The following AP1AR variants were observed in gnomAD, a reference collection of about 807,000 sequenced individuals.
AP1AR encodes AP-1 complex-associated regulatory protein.
In AP1AR, 29 loss-of-function variants were observed where a neutral mutation model predicts 46.3. The observed-to-expected ratio is 0.63, with a 90% confidence interval of 0.47 to 0.85. AP1AR has a LOEUF of 0.85. AP1AR is among the 40% of genes least tolerant of loss of function. The pLI is 0.00. For missense variants in AP1AR, 357 were observed against 356.3 expected (o/e 1.00, Z -0.02); for synonymous variants, 122 against 122.9 (o/e 0.99, Z 0.05).
chr4:112,272,583 A>G lies in AP1AR; in HGVS notation c.*4174A>G, dbSNP rs994756054. 6.6e-6 allele frequency among the ~76,000 whole-genome samples: 1 copy of G among 152,198 alleles called. No individual in the cohort carries two copies. The highest frequency in any genetic ancestry group is 1.5e-5 in the Non-Finnish European group (1 of 68,036). On this transcript the variant is annotated 3_prime_UTR_variant, in exon 10 of 10. Coordinates refer to ENST00000274000, the MANE Select transcript of AP1AR (RefSeq NM_018569.6). Reference sequence around the variant, plus strand: ...GGAGGGAAGAGATGGGGAAAAAAATAGGAAATAATAAATCTCTAAGAGCCC... The same window carrying G: ...GGAGGGAAGAGATGGGGAAAAAAATGGGAAATAATAAATCTCTAAGAGCCC...
intron 8 of AP1AR, among the ~76,000 whole-genome samples, chr4:112,266,320 A>G (rs1726704481): frequency 6.6e-6 from 1 of 151,762 alleles, no homozygotes; most frequent in Admixed American, 6.6e-5. Flanking sequence ...TGTTAAAAAT[A>G]TTATCTAGAG....
rs372170152 is a variant in AP1AR, at chr4:112,268,260, G to T, written c.760G>T (p.Asp254Tyr). 1.2e-6 allele frequency: 2 copies of T among 1,613,142 alleles called. No individual in the cohort carries two copies. The highest frequency in any genetic ancestry group is 1.3e-5 in the African/African-American group (1 of 74,872). The change falls in exon 10 of 10, where the codon GAT becomes TAT. Residue 254 changes from aspartate to tyrosine, a missense_variant. Asp to Tyr is a radical substitution (Grantham distance 160, BLOSUM62 -3). Coordinates refer to ENST00000274000, the MANE Select transcript of AP1AR (RefSeq NM_018569.6). Reference protein sequence around the residue: ...TGSNPTSASDDSNGLEWENDF... With the variant: ...TGSNPTSASDYSNGLEWENDF... ...AAGTAATCCTACATCAGCCTCTGAT[G>T]ATTCCAATGGGCTGGAGTGGGAAAA... is the stretch of plus-strand genomic sequence containing the variant.
At chr4:112,242,330 A>G (rs991107461) in intron 1 of AP1AR, among the ~76,000 whole-genome samples, 1 of 152,138 alleles carries the variant, frequency 6.6e-6, no homozygotes, top group African/African-American at 2.4e-5. Flanking sequence ...CGTTCAGAGT[A>G]TTATTCTCCA....
chr4:112,267,500 G>A (rs1464063057), intron 9 of AP1AR, among the ~76,000 whole-genome samples: 2 of 151,936 alleles, frequency 1.3e-5, no homozygotes, highest in Non-Finnish European at 2.9e-5. Flanking sequence ...TTGTGGTAGA[G>A]TCAGAAGAGC....
At position 112,264,899 on chromosome 4, in the gene AP1AR, CT is replaced by C. The variant is rs528800376; in HGVS notation, c.382-100del. On this transcript the variant is annotated intron_variant, in intron 6 of 9. Coordinates refer to ENST00000274000, the MANE Select transcript of AP1AR (RefSeq NM_018569.6). ...AAGGAAAAATATATCAACAAAATAA[CT>C]TTTTTTTTTAGAAACTAGAAAAAAA... The C allele has an allele frequency of 7.7e-3, 5,448 of 707,532 alleles. 6 individuals carry two copies. The highest frequency in any genetic ancestry group is 0.018 in the South Asian group (696 of 38,270). The allele number at this position is 707,532 out of a possible 1,614,324, so 43.8% of individuals were successfully genotyped here. A position where few individuals can be genotyped will look rare whatever the true frequency, so the allele number is the denominator to read the frequency against.
rs78789075 is a variant in AP1AR at position 112,271,479 on chromosome 4, G to C, written c.*3070G>C. On this transcript the variant is annotated 3_prime_UTR_variant, in exon 10 of 10. Transcript: ENST00000274000. ...ATCCAGGGATGTCCCTAAGGACCAG[G>C]TATACAGGGAGCTGACTCCATCCTG... Among the ~76,000 whole-genome samples, 813 of 152,326 alleles carry C rather than the reference G, an allele frequency of 5.3e-3. 4 individuals are homozygous for C. Among genetic ancestry groups the C allele is most frequent in the East Asian group, 0.016 (84 of 5,194 alleles).
chr4:112,240,642 C>T (rs777436303), intron 1 of AP1AR, among the ~76,000 whole-genome samples: 9 of 152,098 alleles, frequency 5.9e-5, no homozygotes, highest in African/African-American at 9.7e-5. Flanking sequence ...TGGTACCTGC[C>T]GCTCCCTGAA....
intron 5 of AP1AR, 46 bp from the exon 6 acceptor site, chr4:112,262,942 A>G: frequency 7.6e-7 from 1 of 1,312,290 alleles, no homozygotes; most frequent in African/African-American, 1.4e-5. Flanking sequence ...GAGCAGTTAG[A>G]CAGGTTCTGA....
chr4:112,261,099 A>C (rs1258832227), intron 5 of AP1AR, among the ~76,000 whole-genome samples: 1 of 152,192 alleles, frequency 6.6e-6, no homozygotes, highest in African/African-American at 2.4e-5. Flanking sequence ...ATAATTTCTT[A>C]ATTCACAAAG....
rs113474076 is a variant in AP1AR at position 112,265,508 on chromosome 4, A to G, written c.441-226A>G. 4.6e-5 allele frequency among the ~76,000 whole-genome samples: 7 copies of G among 152,100 alleles called. 3 individuals are homozygous for G. The highest frequency in any genetic ancestry group is 1.7e-4 in the African/African-American group (7 of 41,570). On this transcript the variant is annotated intron_variant, in intron 7 of 9. Coordinates refer to ENST00000274000, the MANE Select transcript of AP1AR (RefSeq NM_018569.6). ...TTATTGTAAAGTTGGACTTATGGCT[A>G]AGCTTTGGAGATTGGACTTCAGGAT...
chr4:112,232,545 G>T (rs1317524479), intron 1 of AP1AR, among the ~76,000 whole-genome samples: 1 of 152,240 alleles, frequency 6.6e-6, no homozygotes, highest in Non-Finnish European at 1.5e-5. Context: ...TAACGCCAAA[G>T]CTAGTATCCC....
At chr4:112,253,944 A>T (rs9884974) in intron 2 of AP1AR, among the ~76,000 whole-genome samples, 87,886 of 152,078 alleles carry the variant, frequency 0.58, 26,418 homozygotes, top group African/African-American at 0.75. Flanking sequence ...TTAGATATTT[A>T]AAAATCACAA....
At chr4:112,259,862 G>A (rs1726364261) in intron 4 of AP1AR, among the ~76,000 whole-genome samples, 1 of 152,062 alleles carries the variant, frequency 6.6e-6, no homozygotes, top group Non-Finnish European at 1.5e-5. Flanking sequence ...AGAATAGGAA[G>A]GATATATGTA....
intron 9 of AP1AR, 59 bp downstream of exon 9, chr4:112,266,775 T>G: frequency 1.4e-6 from 2 of 1,476,266 alleles, no homozygotes; most frequent in Admixed American, 2.3e-5. Context: ...TTGATTTATG[T>G]AAATCTACCT....
chr4:112,243,144 T>C (rs1269492125), intron 1 of AP1AR, among the ~76,000 whole-genome samples: 1 of 152,236 alleles, frequency 6.6e-6, no homozygotes, highest in African/African-American at 2.4e-5. Flanking sequence ...ACATATTATG[T>C]GCCCGTAATC....
chr4:112,260,928 T>C (rs1402329563), intron 5 of AP1AR, 66 bp downstream of exon 5: 1 of 1,047,986 alleles, frequency 9.5e-7, no homozygotes, highest in Non-Finnish European at 1.4e-6. Flanking sequence ...TTAAATAATA[T>C]ATTGTGTAGA....
At chr4:112,254,898 ATTTTTAC>A in intron 3 of AP1AR, 125 bp downstream of exon 3, 1 of 478,624 alleles carries the variant, frequency 2.1e-6, no homozygotes, top group Non-Finnish European at 3.5e-6. Flanking sequence ...TCTGGTTTTT[ATTTTTAC>A]TTTTTAGTTC....
At chr4:112,246,939 C>T (rs1246055345) in intron 1 of AP1AR, among the ~76,000 whole-genome samples, 1 of 152,198 alleles carries the variant, frequency 6.6e-6, no homozygotes, top group African/African-American at 2.4e-5. Flanking sequence ...ATATGATTAA[C>T]TTCCTTCTCT....
chr4:112,253,211 C>CATGG lies in AP1AR; in HGVS notation c.88_89insTGGA (p.Lys30MetfsTer5). On this transcript the variant is annotated frameshift_variant, in exon 2 of 10. Transcript: ENST00000274000. LOFTEE classifies it high-confidence loss of function. Reference sequence around the variant, plus strand: ...GTTATTCTGTTTTCCTTCCCAGATCCAAGTATTTTAGAACATGCTCAAGAG... The same window carrying CATGG: ...GTTATTCTGTTTTCCTTCCCAGATCCATGGAAGTATTTTAGAACATGCTCAAGAG... 6.2e-7 allele frequency: 1 copy of CATGG among 1,607,140 alleles called. No individual in the cohort carries two copies. Among genetic ancestry groups the CATGG allele is most frequent in the Non-Finnish European group, 8.5e-7 (1 of 1,176,686 alleles).
Sources: allele counts gnomAD v4.1 joint callset (sites outside exome capture counted in the v4.1 genomes callset), GRCh38; gene constraint gnomAD v4.1.1; transcripts MANE v1.5; gene names NCBI Gene and HGNC (gene_info 2026-07-23, HGNC 2026-07-21).